The following MATN2 variants were observed in gnomAD, a reference collection of about 807,000 sequenced individuals.
The protein encoded by MATN2 is matrilin 2.
MATN2 carries 69 observed loss-of-function variants against 103.2 expected under a neutral mutation model. The ratio of observed to expected loss-of-function variants is 0.67; its 90% CI spans 0.55 to 0.82. The LOEUF (loss-of-function observed/expected upper bound fraction) is 0.82, where lower values mean the gene tolerates loss of function less well. MATN2 is among the 40% of genes least tolerant of loss of function. The pLI, the probability that MATN2 is intolerant of heterozygous loss-of-function variation, is 0.00. For missense variants in MATN2, 1,023 were observed against 1,211.5 expected, an observed-to-expected ratio of 0.84 and a Z score of 2.31; for synonymous variants, 429 against 450.2, an observed-to-expected ratio of 0.95 and a Z score of 0.60.
In MATN2 at chr8:98,007,539, G is replaced by T. The variant is rs779943667; in HGVS notation, c.1511G>T (p.Arg504Ile). The T allele has an allele frequency of 1.9e-6, 3 of 1,613,750 alleles. No individual in the cohort carries two copies. Among genetic ancestry groups the T allele is most frequent in the Non-Finnish European group, 2.5e-6 (3 of 1,179,624 alleles). The change falls in exon 10 of 19, where the codon AGA (arginine) becomes ATA (isoleucine). Residue 504 changes from arginine (R) to isoleucine (I), a missense_variant. Transcript: ENST00000254898. The surrounding 1 kb of genome is among the most constrained non-coding windows in gnomAD (Gnocchi z 4.2). ...GAATACTCCTGTGTCAACATGGACA[G>T]ATCCTTTGCCTGTCAGTGTCCTGAG... is the stretch of plus-strand genomic sequence containing the variant. ...GCEYSCVNMDRSFACQCPEGH... is the reference protein window; with the variant it reads ...GCEYSCVNMDISFACQCPEGH...
chr8:97,906,664 T>C (rs6989895), intron 2 of MATN2, among the ~76,000 whole-genome samples: 21,001 of 152,222 alleles, frequency 0.14, 1,632 homozygotes, highest in Non-Finnish European at 0.17. Context: ...GCTAAATCCT[T>C]ATCCAGCCTA....
chr8:97,902,217 C>T (rs1156882879), intron 2 of MATN2, among the ~76,000 whole-genome samples: 2 of 149,550 alleles, frequency 1.3e-5, no homozygotes, highest in African/African-American at 2.5e-5. Flanking sequence ...AGTGTTAGGC[C>T]GGGTGTGGTG....
At position 97,869,101 on chromosome 8, in the gene MATN2, C is replaced by A; in HGVS notation, c.-213C>A. On this transcript the variant is annotated 5_prime_UTR_variant, in exon 1 of 19. It adds an upstream start codon to the 5' untranslated region. Transcript: ENST00000254898. ...GCAGCCAGCGAGCGAAGGGAGCGCT[C>A]TGGGATGGGACTTGGAGCAAGCGGC... 1 of 152,536 alleles carries A rather than the reference C, an allele frequency of 6.6e-6. No homozygotes were observed. The highest frequency in any genetic ancestry group is 2.1e-4 in the South Asian group (1 of 4,854). 9.4% of individuals were successfully genotyped at this position (152,536 alleles called of 1,614,324 possible).
rs184600994 is a variant in MATN2, at chr8:97,975,655, G to A, written c.959-3231G>A. ...TTGTAGGGGATACTAAGAAGTGGGT[G>A]GCCATAGATAGGACTGGCTGACTGA... On this transcript the variant is annotated intron_variant, in intron 5 of 18. Transcript: ENST00000254898. 2.8e-4 allele frequency among the ~76,000 whole-genome samples: 43 copies of A among 152,312 alleles called. 1 individual carries two copies. The highest frequency in any genetic ancestry group is 7.8e-4 in the Admixed American group (12 of 15,300).
chr8:98,034,757 G>C (rs11997426), intron 18 of MATN2, among the ~76,000 whole-genome samples: 30,720 of 152,018 alleles, frequency 0.2, 3,659 homozygotes, highest in African/African-American at 0.34. Flanking sequence ...TGAAAACTCC[G>C]TATCGCCCTT....
At chr8:98,014,940 A>G (rs1199324051) in intron 10 of MATN2, among the ~76,000 whole-genome samples, 2 of 152,200 alleles carry the variant, frequency 1.3e-5, no homozygotes, top group Non-Finnish European at 2.9e-5. Flanking sequence ...GAAAGGATTG[A>G]GTTAACTTTC....
chr8:98,013,180 G>A (rs1434616279), intron 10 of MATN2, among the ~76,000 whole-genome samples: 3 of 152,302 alleles, frequency 2.0e-5, no homozygotes, highest in Admixed American at 6.5e-5. Flanking sequence ...GAAAGCTAGC[G>A]CCTATGGTCA....
At chr8:97,938,630 G>A (rs546322119) in intron 3 of MATN2, among the ~76,000 whole-genome samples, 2 of 152,262 alleles carry the variant, frequency 1.3e-5, no homozygotes, top group South Asian at 2.1e-4. Context: ...AATTGGGAGG[G>A]ATAAACTAGA....
At chr8:97,936,360 C>T (rs1192405258) in intron 3 of MATN2, among the ~76,000 whole-genome samples, 1 of 152,118 alleles carries the variant, frequency 6.6e-6, no homozygotes, top group Non-Finnish European at 1.5e-5. Flanking sequence ...TAGCCCCACC[C>T]CACCCAGGCC....
chr8:97,980,558 CTTTTTTTTTTTT>C (rs71570278), intron 6 of MATN2, among the ~76,000 whole-genome samples: 2 of 94,094 alleles, frequency 2.1e-5, no homozygotes, highest in South Asian at 3.7e-4. Context: ...TTATTCTTTC[CTTTTTTTTTTTT>C]TTTTTTTTTT....
At chr8:97,997,978 C>G (rs1049998331) in intron 7 of MATN2, among the ~76,000 whole-genome samples, 2 of 151,706 alleles carry the variant, frequency 1.3e-5, no homozygotes, top group African/African-American at 4.8e-5. Context: ...CACCATCATG[C>G]CTGACTAGTT....
At chr8:97,903,448 T>G (rs1323282342) in intron 2 of MATN2, among the ~76,000 whole-genome samples, 1 of 152,008 alleles carries the variant, frequency 6.6e-6, no homozygotes, top group African/African-American at 2.4e-5. Context: ...GAAGGCAGGG[T>G]TTTTTTGTTT....
In MATN2 at chr8:98,033,542, T is replaced by G. The variant is rs750646013; in HGVS notation, c.2717-19T>G. 1.4e-5 allele frequency: 20 copies of G among 1,445,352 alleles called. No individual in the cohort carries two copies. The highest frequency in any genetic ancestry group is 1.8e-5 in the Non-Finnish European group (19 of 1,048,362). The allele number at this position is 1,445,352 out of a possible 1,614,324, so 89.5% of individuals were successfully genotyped here. A position where few individuals can be genotyped will look rare whatever the true frequency, so the allele number is the denominator to read the frequency against. On this transcript the variant is annotated intron_variant, in intron 17 of 18. Transcript: ENST00000254898. ...TCTGGTGGATTCTAGAGGTGAACACTTTCCATCTGCTTTCTCAGGAAGCCC... is the reference window on the plus strand; with the variant it reads ...TCTGGTGGATTCTAGAGGTGAACACGTTCCATCTGCTTTCTCAGGAAGCCC...
At chr8:98,033,850 A>G (rs1213925968) in intron 18 of MATN2, 191 bp downstream of exon 18, 2 of 555,614 alleles carry the variant, frequency 3.6e-6, no homozygotes, top group Non-Finnish European at 3.2e-6. Flanking sequence ...AGCCAAGCTT[A>G]TTAGCAGCAG....
intron 5 of MATN2, among the ~76,000 whole-genome samples, chr8:97,966,178 A>C (rs996398398): frequency 1.3e-5 from 2 of 151,988 alleles, no homozygotes; most frequent in Non-Finnish European, 2.9e-5. Flanking sequence ...TAAATGAATA[A>C]AATTGAAAAA....
At chr8:97,935,996 C>T (rs1337919327) in intron 3 of MATN2, among the ~76,000 whole-genome samples, 1 of 152,172 alleles carries the variant, frequency 6.6e-6, no homozygotes, top group Non-Finnish European at 1.5e-5. Flanking sequence ...GCTGTACAAT[C>T]TTGAGCACAG....
rs1310180577 is a variant in MATN2, at chr8:97,994,391, T to C, written c.1082-89T>C. 8 of 1,426,504 alleles carry C rather than the reference T, an allele frequency of 5.6e-6. No homozygotes were observed. In the African/African-American group the frequency reaches 1.1e-4, roughly 20 times the overall value. The allele number at this position is 1,426,504 out of a possible 1,614,324, so 88.4% of individuals were successfully genotyped here. ...CTTTGAGGTGTGGGATTTTACCTGT[T>C]TGGGAAAATGAAGACTGGAAATCCC... On this transcript the variant is annotated intron_variant, in intron 6 of 18. Transcript: ENST00000254898.
At chr8:98,025,836 T>C (rs1813776240) in intron 13 of MATN2, 2 of 372,812 alleles carry the variant, frequency 5.4e-6, no homozygotes, top group Admixed American at 3.6e-5. Context: ...CACACCCAAA[T>C]TGCTTAACAT....
chr8:97,884,799 C>T (rs900241027), intron 1 of MATN2, among the ~76,000 whole-genome samples: 7 of 150,804 alleles, frequency 4.6e-5, no homozygotes, highest in East Asian at 1.9e-4. Flanking sequence ...AACAACAACA[C>T]GGAATAGCTA....
Sources: allele counts gnomAD v4.1 joint callset (sites outside exome capture counted in the v4.1 genomes callset), GRCh38; gene constraint gnomAD v4.1.1; non-coding constraint Gnocchi (gnomAD v3.1); transcripts MANE v1.5; gene names NCBI Gene and HGNC (gene_info 2026-07-23, HGNC 2026-07-21).